Variants in WDR83OS observed in about 807,000 individuals in gnomAD.
WDR83OS encodes PAT complex subunit Asterix.
Under a neutral mutation model 13.7 loss-of-function variants are expected in WDR83OS, and 15 were observed. The observed-to-expected ratio is 1.09, with a 90% CI of 0.73 to 1.69. The LOEUF is 1.69. WDR83OS is among the 40% of genes most tolerant of loss of function. The probability of loss-of-function intolerance (pLI) is 0.00; values close to 1 mark genes in which losing one functional copy is unlikely to be tolerated. For synonymous variants in WDR83OS, 68 were observed against 52.9 expected (o/e 1.29, Z -1.24); for missense variants, 145 against 143.2 (o/e 1.01, Z -0.06).
At chr19:12,669,302 C>G in intron 1 of WDR83OS, 52 bp downstream of exon 1, 10 of 1,606,696 alleles carry the variant, frequency 6.2e-6, no homozygotes, top group Non-Finnish European at 8.5e-6. Flanking sequence ...TTCCCAGGGC[C>G]CCGATCCACA....
intron 2 of WDR83OS, among the ~76,000 whole-genome samples, 156 bp downstream of exon 2, chr19:12,668,972 G>A (rs1248946262): frequency 3.3e-5 from 5 of 152,086 alleles, no homozygotes; most frequent in African/African-American, 1.2e-4. Context: ...ACCAAAGACT[G>A]GGGCTTTCTC....
Position 12,668,320 on chromosome 19 carries a change from G to T in WDR83OS, c.*39C>A, listed in dbSNP as rs766436213. ...TAGCAGCCAAAGCCCAGGCCTAGTG[G>T]ATAGACAGGGTCCAAAATGTGACCC... is the stretch of plus-strand genomic sequence containing the variant. On this transcript the variant is annotated 3_prime_UTR_variant, in exon 4 of 4. Transcript: ENST00000596731. The T allele has an allele frequency of 6.3e-7, 1 of 1,586,368 alleles. No homozygotes were observed. The highest frequency in any genetic ancestry group is 1.1e-5 in the South Asian group (1 of 87,438).
chr19:12,668,484 A>C, intron 3 of WDR83OS, 36 bp downstream of exon 3: 1 of 1,613,498 alleles, frequency 6.2e-7, no homozygotes, highest in Non-Finnish European at 8.5e-7. Context: ...CCCACCCCTT[A>C]CTCAAGAGTC....
chr19:12,668,172 G>C lies in WDR83OS; in HGVS notation c.*187C>G. On this transcript the variant is annotated 3_prime_UTR_variant, in exon 4 of 4. Transcript: ENST00000596731. ...CTCCCCCAGCAGCAGGCAGGGGAAG[G>C]GAGGCAGGAGGGGTAAGCCTAGGGT... is the stretch of plus-strand genomic sequence containing the variant. 1.7e-6 allele frequency: 1 copy of C among 592,748 alleles called. No individual in the cohort carries two copies. Among genetic ancestry groups the C allele is most frequent in the Non-Finnish European group, 3.0e-6 (1 of 333,552 alleles). 36.7% of individuals were successfully genotyped at this position (592,748 alleles called of 1,614,324 possible). A position where few individuals can be genotyped will look rare whatever the true frequency, so the allele number is the denominator to read the frequency against.
intron 3 of WDR83OS, 43 bp from the exon 4 acceptor site, chr19:12,668,468 G>A: frequency 1.2e-6 from 2 of 1,613,236 alleles, no homozygotes; most frequent in Non-Finnish European, 1.7e-6. Flanking sequence ...GCCAGGCTGG[G>A]GTCCCCCCAC....
At chr19:12,669,277 G>A (rs1328642873) in intron 1 of WDR83OS, 44 bp from the exon 2 acceptor site, 12 of 1,609,192 alleles carry the variant, frequency 7.5e-6, no homozygotes, top group Admixed American at 1.7e-5. Flanking sequence ...TCCTGCCCCC[G>A]GGATAGACAG....
At position 12,668,520 on chromosome 19, in the gene WDR83OS, A is replaced by G. The variant is rs2024320664; in HGVS notation, c.254T>C (p.Met85Thr). 6.2e-7 allele frequency: 1 copy of G among 1,614,034 alleles called. No homozygotes were observed. Among genetic ancestry groups the G allele is most frequent in the African/African-American group, 1.3e-5 (1 of 74,926 alleles). ...ACTTGTTCTGTAGGGCAAGTCTCACATGAAGCTACTCATCATTTGCTTCGT... is the reference window on the plus strand; with the variant it reads ...ACTTGTTCTGTAGGGCAAGTCTCACGTGAAGCTACTCATCATTTGCTTCGT... ...EDTKQMMSSFMLSISAVVMSY... is the reference protein window; with the variant it reads ...EDTKQMMSSFTLSISAVVMSY... The change falls in exon 3 of 4, where the codon ATG becomes ACG. Residue 85 changes from methionine to threonine, a missense_variant and splice_region_variant. Coordinates refer to ENST00000596731, the MANE Select transcript of WDR83OS (RefSeq NM_016145.4).
chr19:12,668,770 G>C (rs1181586093), intron 2 of WDR83OS, 153 bp from the exon 3 acceptor site: 3 of 690,738 alleles, frequency 4.3e-6, no homozygotes, highest in Non-Finnish European at 7.7e-6. Context: ...ACCTGCTCAT[G>C]GCATACTCTA....
Position 12,669,186 on chromosome 19 carries a change from G to T in WDR83OS, c.98C>A (p.Thr33Lys). The T allele has an allele frequency of 6.2e-7, 1 of 1,614,148 alleles. No individual in the cohort carries two copies. The highest frequency in any genetic ancestry group is 8.5e-7 in the Non-Finnish European group (1 of 1,180,034). Reference sequence around the variant, plus strand: ...GCCCAGCAGGTTCATGTAGTCCGGCGTCGGGTCGTCCAAGGCCGGGTTACA... The same window carrying T: ...GCCCAGCAGGTTCATGTAGTCCGGCTTCGGGTCGTCCAAGGCCGGGTTACA... Reference protein sequence around the residue: ...SECNPALDDPTPDYMNLLGMI... With the variant: ...SECNPALDDPKPDYMNLLGMI... Residue 33 changes from threonine (T) to lysine (K), a missense_variant, in exon 2 of 4, where the codon ACG (threonine) becomes AAG (lysine). By Grantham distance (78) the Thr-to-Lys change is moderately conservative. Coordinates refer to ENST00000596731, the MANE Select transcript of WDR83OS (RefSeq NM_016145.4).
rs759056832 is a variant in WDR83OS at position 12,669,166 on chromosome 19, G to C, written c.118C>G (p.Leu40Val). 3 of 1,614,166 alleles carry C rather than the reference G, an allele frequency of 1.9e-6. No homozygotes were observed. The highest frequency in any genetic ancestry group is 4.5e-5 in the East Asian group (2 of 44,878). The change falls in exon 2 of 4, where the codon CTG (leucine) becomes GTG (valine). Residue 40 changes from leucine to valine, a missense_variant. Physicochemically the swap from Leu to Val is conservative, Grantham distance 32 (BLOSUM62 1). Coordinates refer to ENST00000596731, the MANE Select transcript of WDR83OS (RefSeq NM_016145.4). ...CCGCACATGCTGAAGATCATGCCCAGCAGGTTCATGTAGTCCGGCGTCGGG... is the reference window on the plus strand; with the variant it reads ...CCGCACATGCTGAAGATCATGCCCACCAGGTTCATGTAGTCCGGCGTCGGG... ...DDPTPDYMNL[L>V]GMIFSMCGLM... is the part of the protein sequence containing the mutation.
At chr19:12,669,008 C>T in intron 2 of WDR83OS, 120 bp downstream of exon 2, 1 of 1,041,504 alleles carries the variant, frequency 9.6e-7, no homozygotes, top group Non-Finnish European at 1.4e-6. Flanking sequence ...CAGCCCCACT[C>T]CCGGCCGATC....
rs777511526 is a variant in WDR83OS at position 12,669,378 on chromosome 19, G to A, written c.26C>T (p.Pro9Leu). MSTNNMSD[P>L]RRPNKVLRYK... is the part of the protein sequence containing the mutation. ...CCTCAGCACTTTGTTCGGCCTCCGT[G>A]GGTCCGACATATTGTTAGTGGACAT... Residue 9 changes from proline (P) to leucine (L), a missense_variant, in exon 1 of 4, where the codon CCA becomes CTA. Pro to Leu is a moderately conservative substitution (Grantham distance 98, BLOSUM62 -3). Transcript: ENST00000596731. 3 of 1,601,686 alleles carry A rather than the reference G, an allele frequency of 1.9e-6. No homozygotes were observed. Among genetic ancestry groups the A allele is most frequent in the South Asian group, 2.2e-5 (2 of 89,266 alleles).
At position 12,669,397 on chromosome 19, in the gene WDR83OS, T is replaced by C. The variant is rs913055319; in HGVS notation, c.7A>G (p.Thr3Ala). 2.5e-6 allele frequency: 4 copies of C among 1,598,090 alleles called. No individual in the cohort carries two copies. The highest frequency in any genetic ancestry group is 2.3e-5 in the East Asian group (1 of 44,318). The change falls in exon 1 of 4, where the codon ACT (threonine) becomes GCT (alanine). Residue 3 changes from threonine to alanine, a missense_variant. Thr to Ala is a moderately conservative substitution (Grantham distance 58). Transcript: ENST00000596731. ...CTCCGTGGGTCCGACATATTGTTAG[T>C]GGACATAGCGAGTCGAAGGCCAGAT... Reference protein sequence around the residue: MSTNNMSDPRRPN... With the variant: MSANNMSDPRRPN...
chr19:12,668,681 C>T, intron 2 of WDR83OS, 64 bp from the exon 3 acceptor site: 3 of 1,359,242 alleles, frequency 2.2e-6, no homozygotes, highest in Non-Finnish European at 3.1e-6. Context: ...CCGAAGCCAC[C>T]TTTCCAGACA....
chr19:12,669,265 G>C, intron 1 of WDR83OS, 32 bp from the exon 2 acceptor site: 1 of 1,612,090 alleles, frequency 6.2e-7, no homozygotes, highest in Non-Finnish European at 8.5e-7. Flanking sequence ...GGGGCGCTCA[G>C]GTCCTGCCCC....
rs563421954 is a variant in WDR83OS, at chr19:12,668,467, G to C, written c.255-42C>G. On this transcript the variant is annotated intron_variant, in intron 3 of 3. Transcript: ENST00000596731. ...GTGTCAGTCTAGGATGGCCAGGCTG[G>C]GGTCCCCCCACCCCTTACTCAAGAG... The C allele has an allele frequency of 2.4e-5, 39 of 1,613,280 alleles. No individual in the cohort carries two copies. The South Asian group carries it at 3.8e-4, about 16-fold the overall frequency.
At chr19:12,669,307 T>C (rs771747145) in intron 1 of WDR83OS, 47 bp downstream of exon 1, 2 of 1,606,610 alleles carry the variant, frequency 1.2e-6, no homozygotes, top group African/African-American at 1.3e-5. Flanking sequence ...AGGGCCCCGA[T>C]CCACACCCAC....
Position 12,668,262 on chromosome 19 carries a change from G to C in WDR83OS, c.*97C>G. 1 of 1,297,926 alleles carries C rather than the reference G, an allele frequency of 7.7e-7. No homozygotes were observed. The highest frequency in any genetic ancestry group is 1.1e-6 in the Non-Finnish European group (1 of 927,144). 80.4% of individuals were successfully genotyped at this position (1,297,926 alleles called of 1,614,324 possible). On this transcript the variant is annotated 3_prime_UTR_variant, in exon 4 of 4. Coordinates refer to ENST00000596731, the MANE Select transcript of WDR83OS (RefSeq NM_016145.4). ...GGGCACCGAGACGGCCTCATTCAGG[G>C]AAGTCCAGGATGGCAGCTGAAGGCA...
intron 2 of WDR83OS, 91 bp downstream of exon 2, chr19:12,669,037 G>T: frequency 1.5e-6 from 2 of 1,335,974 alleles, no homozygotes; most frequent in Non-Finnish European, 2.1e-6. Context: ...CGCCCCATCA[G>T]CAATGACAAG....
Sources: gnomAD v4.1 joint callset for allele counts (sites outside exome capture counted in the v4.1 genomes callset) on GRCh38, gnomAD v4.1.1 for gene constraint, MANE v1.5 for transcripts, NCBI Gene and HGNC (gene_info 2026-07-23, HGNC 2026-07-21) for gene names.